IFNLR1: variants seen among roughly 807,000 people sequenced by gnomAD.
The protein encoded by IFNLR1 is interferon lambda receptor 1.
Under a neutral mutation model 52.5 loss-of-function variants are expected in IFNLR1, and 28 were observed. That is an observed-to-expected ratio of 0.53 (90% confidence interval 0.40 to 0.73). The LOEUF (loss-of-function observed/expected upper bound fraction) is 0.73. Ranked by LOEUF, IFNLR1 falls within the 30% of genes least tolerant of loss-of-function variation. The pLI is 0.00. For missense variants in IFNLR1, 623 were observed against 659.1 expected (o/e 0.95, Z 0.60); for synonymous variants, 276 against 274.9 (o/e 1.00, Z -0.04).
At position 24,154,309 on chromosome 1, in the gene IFNLR1, G is replaced by GTTGT. The variant is rs1644357737; in HGVS notation, c.*2820_*2821insACAA. 2 of 152,194 alleles carry GTTGT rather than the reference G, an allele frequency of 1.3e-5. No individual in the cohort carries two copies. Among genetic ancestry groups the GTTGT allele is most frequent in the South Asian group, 4.1e-4 (2 of 4,830 alleles). The allele number at this position is 152,194 out of a possible 1,614,324, so 9.4% of individuals were successfully genotyped here. ...ATAAGAACAACATATACCGTTAGTA[G>GTTGT]TCTAAAGGGATACATGTTGCTTTCA... On this transcript the variant is annotated 3_prime_UTR_variant, in exon 7 of 7. Coordinates refer to ENST00000327535, the MANE Select transcript of IFNLR1 (RefSeq NM_170743.4).
At chr1:24,167,029 T>G (rs1038525074) in intron 3 of IFNLR1, among the ~76,000 whole-genome samples, 2 of 152,240 alleles carry the variant, frequency 1.3e-5, no homozygotes, top group African/African-American at 4.8e-5. Context: ...CTCACCAGTG[T>G]GGGCAGGCAT....
At chr1:24,166,516 ATCTGCCTTTTCT>A (rs988567269) in intron 3 of IFNLR1, among the ~76,000 whole-genome samples, 2 of 150,388 alleles carry the variant, frequency 1.3e-5, no homozygotes, top group Non-Finnish European at 1.5e-5. Context: ...TCATCCACCC[ATCTGCCTTTTCT>A]TCTGCCTTCT....
At position 24,156,948 on chromosome 1, in the gene IFNLR1, G is replaced by T; in HGVS notation, c.*182C>A. On this transcript the variant is annotated 3_prime_UTR_variant, in exon 7 of 7. Coordinates refer to ENST00000327535, the MANE Select transcript of IFNLR1 (RefSeq NM_170743.4). ...CTCAGCCTAAAGAGGGCGGGTCACA[G>T]GAGGGAGGGGCATCTTGTTGCTCAG... 1.5e-6 allele frequency: 1 copy of T among 654,484 alleles called. No individual in the cohort carries two copies. Among genetic ancestry groups the T allele is most frequent in the Non-Finnish European group, 2.6e-6 (1 of 384,032 alleles). The allele number at this position is 654,484 out of a possible 1,614,324, so 40.5% of individuals were successfully genotyped here.
rs143399355 is a variant in IFNLR1, at chr1:24,166,176, CCCATCCAT to C, written c.367+3233_367+3240del. Among the ~76,000 whole-genome samples, 123 of 149,456 alleles carry C rather than the reference CCCATCCAT, an allele frequency of 8.2e-4. No individual in the cohort carries two copies. In the South Asian group the frequency reaches 9.4e-3, roughly 11 times the overall value. Reference sequence around the variant, plus strand: ...CTGCCTTCTTATCCTTCCTTTCCTTCCCATCCATCCATCCATCCATCCATCCATCCTTC... The same window carrying C: ...CTGCCTTCTTATCCTTCCTTTCCTTCCCATCCATCCATCCATCCATCCTTC... On this transcript the variant is annotated intron_variant, in intron 3 of 6. Coordinates refer to ENST00000327535, the MANE Select transcript of IFNLR1 (RefSeq NM_170743.4).
At chr1:24,166,304 T>G (rs77495605) in intron 3 of IFNLR1, among the ~76,000 whole-genome samples, 2,957 of 152,132 alleles carry the variant, frequency 0.019, 110 homozygotes, top group African/African-American at 0.068. Context: ...TCATTTATAC[T>G]TCTCACCTTT....
At chr1:24,169,182 A>G (rs924394895) in intron 3 of IFNLR1, among the ~76,000 whole-genome samples, 3 of 152,260 alleles carry the variant, frequency 2.0e-5, no homozygotes, top group Admixed American at 6.5e-5. Context: ...CAGAGGGTGC[A>G]CGTGAGATTG....
intron 3 of IFNLR1, among the ~76,000 whole-genome samples, chr1:24,167,777 C>G (rs1268314456): frequency 6.6e-6 from 1 of 152,166 alleles, no homozygotes; most frequent in Non-Finnish European, 1.5e-5. Flanking sequence ...TCACTGCAAG[C>G]TCTGCCTCCT....
chr1:24,162,745 T>C (rs2148589165), intron 3 of IFNLR1, among the ~76,000 whole-genome samples: 1 of 30,236 alleles, frequency 3.3e-5, no homozygotes, highest in South Asian at 2.2e-3. Flanking sequence ...TCTTTCTTTC[T>C]TTCTTTCTTT....
chr1:24,159,452 T>G (rs763992943), intron 5 of IFNLR1, 22 bp downstream of exon 5: 18 of 1,611,426 alleles, frequency 1.1e-5, no homozygotes, highest in Non-Finnish European at 1.4e-5. Flanking sequence ...AAGTTTCTCT[T>G]TCTGCACCAC....
intron 3 of IFNLR1, among the ~76,000 whole-genome samples, chr1:24,163,720 T>C (rs1644490585): frequency 6.6e-6 from 1 of 152,032 alleles, no homozygotes; most frequent in Non-Finnish European, 1.5e-5. Flanking sequence ...GCTGGGATTA[T>C]AGGCATGTGC....
In IFNLR1 at chr1:24,159,148, A is replaced by C; in HGVS notation, c.705T>G (p.Leu235=). ...ANWAFLVLPS[L]LILLLVIAAG... is the part of the protein sequence containing the mutation. ...CGGCAATTACTAACAGCAGTATCAG[A>C]AGCGATGGCAGCACCAGGAAAGCCC... Residue 235 remains leucine, a synonymous_variant, in exon 6 of 7, where the codon CTT becomes CTG. Transcript: ENST00000327535. The C allele has an allele frequency of 6.2e-7, 1 of 1,614,222 alleles. No homozygotes were observed. Among genetic ancestry groups the C allele is most frequent in the Non-Finnish European group, 8.5e-7 (1 of 1,180,042 alleles).
chr1:24,176,470 G>A (rs1280451765), intron 2 of IFNLR1, among the ~76,000 whole-genome samples: 2 of 152,202 alleles, frequency 1.3e-5, no homozygotes, highest in Non-Finnish European at 2.9e-5. Context: ...AATGGGAACA[G>A]TTTATTCTAT....
chr1:24,187,113 A>T, intron 1 of IFNLR1, 78 bp downstream of exon 1: 1 of 964,018 alleles, frequency 1.0e-6, no homozygotes, highest in African/African-American at 1.7e-5. Context: ...CTGTCCCAGG[A>T]GCTCCGGGTC....
At chr1:24,162,342 C>T (rs928052557) in intron 3 of IFNLR1, among the ~76,000 whole-genome samples, 1 of 152,176 alleles carries the variant, frequency 6.6e-6, no homozygotes, top group Non-Finnish European at 1.5e-5. Context: ...ACCATGGAGT[C>T]CTGTTTATGC....
intron 2 of IFNLR1, among the ~76,000 whole-genome samples, chr1:24,178,512 G>GT (rs904619764): frequency 6.6e-6 from 1 of 152,092 alleles, no homozygotes; most frequent in Non-Finnish European, 1.5e-5. Flanking sequence ...AGCTGGAAAG[G>GT]TATCTGTTAA....
At chr1:24,168,932 C>T (rs1456963405) in intron 3 of IFNLR1, among the ~76,000 whole-genome samples, 1 of 152,000 alleles carries the variant, frequency 6.6e-6, no homozygotes, top group Non-Finnish European at 1.5e-5. Flanking sequence ...TTAGTAAAGA[C>T]GGGGTTTTGC....
chr1:24,182,345 C>T (rs1190790833), intron 1 of IFNLR1, among the ~76,000 whole-genome samples: 3 of 152,192 alleles, frequency 2.0e-5, no homozygotes, highest in Admixed American at 1.3e-4. Flanking sequence ...AGCCCTTGTC[C>T]CAAGGTGGAT....
intron 2 of IFNLR1, among the ~76,000 whole-genome samples, chr1:24,171,199 C>A (rs1644574836): frequency 6.6e-6 from 1 of 152,144 alleles, no homozygotes; most frequent in African/African-American, 2.4e-5. Flanking sequence ...GCCACACTTA[C>A]AACAAGAAAT....
rs769113500 is a variant in IFNLR1, at chr1:24,159,199, A to C, written c.671-17T>G. The C allele has an allele frequency of 6.2e-7, 1 of 1,613,890 alleles. No individual in the cohort carries two copies. Among genetic ancestry groups the C allele is most frequent in the East Asian group, 2.2e-5 (1 of 44,880 alleles). On this transcript the variant is annotated splice_polypyrimidine_tract_variant and intron_variant, in intron 5 of 6. Transcript: ENST00000327535. ...AGTTGGCTTCTAAGGAAGGAAAAAT[A>C]ACAATGAGAGAAACAACAATGGCTC...
Sources: gnomAD v4.1 joint callset for allele counts (sites outside exome capture counted in the v4.1 genomes callset) on GRCh38, gnomAD v4.1.1 for gene constraint, MANE v1.5 for transcripts, NCBI Gene and HGNC (gene_info 2026-07-23, HGNC 2026-07-21) for gene names.